PPP2R2B: variants seen among roughly 807,000 people sequenced by gnomAD.
PPP2R2B encodes serine/threonine-protein phosphatase 2A 55 kDa regulatory subunit B beta isoform.
Under a neutral mutation model 46.0 loss-of-function variants are expected in PPP2R2B, and 5 were observed. The ratio of observed to expected loss-of-function variants is 0.11; its 90% CI spans 0.06 to 0.23. The LOEUF (loss-of-function observed/expected upper bound fraction) is 0.23, where lower values mean the gene tolerates loss of function less well. Among genes scored for constraint, PPP2R2B ranks in the 10% least tolerant of loss-of-function variants. The pLI, the probability that PPP2R2B is intolerant of heterozygous loss-of-function variation, is 1.00. For missense variants in PPP2R2B, 367 were observed against 575.0 expected (o/e 0.64, Z 3.70); for synonymous variants, 215 against 206.7 (o/e 1.04, Z -0.34).
At chr5:146,684,773 A>T (rs1003609520) in intron 5 of PPP2R2B, among the ~76,000 whole-genome samples, 2 of 152,114 alleles carry the variant, frequency 1.3e-5, no homozygotes, top group African/African-American at 2.4e-5. Flanking sequence ...ATGATTTCTC[A>T]AAGTGTGGTC....
chr5:147,039,540 C>T (rs1048952882), intron 1 of PPP2R2B, among the ~76,000 whole-genome samples: 1 of 152,112 alleles, frequency 6.6e-6, no homozygotes, highest in Admixed American at 6.6e-5. Context: ...AGATCTGCAA[C>T]TGGGGCCTGA....
chr5:146,896,328 T>G (rs1242642374), intron 1 of PPP2R2B, among the ~76,000 whole-genome samples: 2 of 152,280 alleles, frequency 1.3e-5, no homozygotes, highest in South Asian at 4.1e-4. Flanking sequence ...TTAACTATCA[T>G]TGAGGCAACT....
chr5:146,833,808 C>T (rs1218130423), intron 2 of PPP2R2B, among the ~76,000 whole-genome samples: 1 of 151,688 alleles, frequency 6.6e-6, no homozygotes, highest in East Asian at 1.9e-4. Context: ...TTACTGATCC[C>T]CTCATCCCCT....
At chr5:146,749,175 C>T (rs1753381320) in intron 2 of PPP2R2B, among the ~76,000 whole-genome samples, 1 of 152,128 alleles carries the variant, frequency 6.6e-6, no homozygotes, top group Admixed American at 6.5e-5. Context: ...ACATCATTTG[C>T]TGTGCTTATT....
At chr5:146,975,947 T>A (rs1189199224) in intron 1 of PPP2R2B, among the ~76,000 whole-genome samples, 1 of 151,976 alleles carries the variant, frequency 6.6e-6, no homozygotes, top group Non-Finnish European at 1.5e-5. Flanking sequence ...CTGTATTGTG[T>A]CCTGTGATGC....
intron 4 of PPP2R2B, among the ~76,000 whole-genome samples, chr5:146,691,934 T>C (rs907406161): frequency 1.3e-5 from 2 of 152,218 alleles, no homozygotes; most frequent in African/African-American, 2.4e-5. Flanking sequence ...TAGAGAAGCT[T>C]ATGTAATACC....
chr5:146,622,377 A>G (rs1285838786), intron 7 of PPP2R2B, among the ~76,000 whole-genome samples: 1 of 152,188 alleles, frequency 6.6e-6, no homozygotes, highest in African/African-American at 2.4e-5. Flanking sequence ...ATAGAGGTGG[A>G]TACTTAGCTG....
At chr5:146,666,251 T>C (rs1214724116) in intron 5 of PPP2R2B, among the ~76,000 whole-genome samples, 3 of 152,192 alleles carry the variant, frequency 2.0e-5, no homozygotes, top group Non-Finnish European at 2.9e-5. Context: ...TCATATCTGT[T>C]CATTCATTAA....
chr5:146,649,114 T>C lies in PPP2R2B; in HGVS notation c.625+1433A>G, dbSNP rs916098496. On this transcript the variant is annotated intron_variant, in intron 6 of 9. Transcript: ENST00000394411. ...AGTGGTGAGAGACAACAGTGGCTTA[T>C]GCTAGTGTAGGTAGGTAGATAGGGA... Among the ~76,000 whole-genome samples the C allele has an allele frequency of 7.9e-5, 12 of 152,218 alleles. No homozygotes were observed. In the South Asian group the frequency reaches 2.3e-3, roughly 29 times the overall value.
chr5:146,934,174 T>C (rs1764063306), intron 1 of PPP2R2B, among the ~76,000 whole-genome samples: 1 of 152,116 alleles, frequency 6.6e-6, no homozygotes, highest in South Asian at 2.1e-4. Context: ...CAGCATGATT[T>C]ACAGTCATTT....
chr5:147,042,208 A>G (rs1411358283), intron 1 of PPP2R2B, among the ~76,000 whole-genome samples: 9 of 152,026 alleles, frequency 5.9e-5, no homozygotes, highest in Non-Finnish European at 1.0e-4. Context: ...CTTCTGTAAA[A>G]TTGTTTTAAC....
intron 2 of PPP2R2B, among the ~76,000 whole-genome samples, chr5:147,069,796 T>TTTTTTTG (rs1561611907): frequency 7.9e-6 from 1 of 127,176 alleles, no homozygotes; most frequent in Non-Finnish European, 1.6e-5. Flanking sequence ...TTTTTTTTTT[T>TTTTTTTG]TTTTTTTTTT....
At chr5:146,937,302 GAA>G in intron 1 of PPP2R2B, among the ~76,000 whole-genome samples, 1 of 133,048 alleles carries the variant, frequency 7.5e-6, no homozygotes, top group African/African-American at 2.7e-5. Flanking sequence ...CTCCGTCTCA[GAA>G]AAAAAAAAAA....
intron 1 of PPP2R2B, among the ~76,000 whole-genome samples, chr5:147,036,765 T>G (rs908298010): frequency 2.0e-5 from 3 of 152,206 alleles, no homozygotes; most frequent in African/African-American, 7.2e-5. Flanking sequence ...ATTTTACGCA[T>G]TTGGAGGATT....
chr5:146,695,571 C>T (rs1358801028), intron 4 of PPP2R2B, among the ~76,000 whole-genome samples: 1 of 152,118 alleles, frequency 6.6e-6, no homozygotes, highest in Non-Finnish European at 1.5e-5. Context: ...TGAATTCAAT[C>T]CAATTCCCCA....
intron 2 of PPP2R2B, among the ~76,000 whole-genome samples, chr5:146,759,074 G>C (rs1244563119): frequency 6.6e-6 from 1 of 152,180 alleles, no homozygotes; most frequent in Non-Finnish European, 1.5e-5. Flanking sequence ...CAGTGGCTGA[G>C]TTAAGTTTAG....
At chr5:146,885,111 G>A (rs1332128165) in intron 1 of PPP2R2B, among the ~76,000 whole-genome samples, 1 of 152,144 alleles carries the variant, frequency 6.6e-6, no homozygotes, top group Non-Finnish European at 1.5e-5. Flanking sequence ...AGTAATTATA[G>A]CTAACACTGA....
intron 2 of PPP2R2B, among the ~76,000 whole-genome samples, chr5:146,824,889 T>TTG (rs1163787505): frequency 7.2e-5 from 11 of 151,950 alleles, no homozygotes; most frequent in Non-Finnish European, 1.0e-4. Context: ...GGCTAATTTT[T>TTG]TGTGTGTGTT....
chr5:146,976,363 C>T (rs1752906532), intron 1 of PPP2R2B, among the ~76,000 whole-genome samples: 1 of 152,048 alleles, frequency 6.6e-6, no homozygotes, highest in Non-Finnish European at 1.5e-5. Flanking sequence ...TCTCGAACTC[C>T]TGGCCTCAAG....
Sources: gnomAD v4.1 joint callset for allele counts (sites outside exome capture counted in the v4.1 genomes callset) on GRCh38, gnomAD v4.1.1 for gene constraint, MANE v1.5 for transcripts, NCBI Gene and HGNC (gene_info 2026-07-23, HGNC 2026-07-21) for gene names.